Variants in KIAA1328 observed in about 807,000 individuals in gnomAD.
KIAA1328 encodes the protein protein hinderin.
Under a neutral mutation model 68.1 loss-of-function variants are expected in KIAA1328, and 52 were observed. The ratio of observed to expected loss-of-function variants is 0.76; its 90% CI spans 0.61 to 0.96. The LOEUF (loss-of-function observed/expected upper bound fraction) is 0.96, where lower values mean the gene tolerates loss of function less well. Ranked by LOEUF, KIAA1328 falls within the 40% of genes least tolerant of loss-of-function variation. The probability of loss-of-function intolerance (pLI) is 0.00; values close to 1 mark genes in which losing one functional copy is unlikely to be tolerated. For missense variants in KIAA1328, 641 were observed against 677.6 expected (o/e 0.95, Z 0.60); for synonymous variants, 232 against 239.4 (o/e 0.97, Z 0.28).
chr18:36,874,339 T>C (rs2048048755), intron 4 of KIAA1328, among the ~76,000 whole-genome samples: 1 of 152,156 alleles, frequency 6.6e-6, no homozygotes. Context: ...CCACATCCTC[T>C]CCAGCATCTG....
At chr18:36,837,956 G>A (rs28766980) in intron 3 of KIAA1328, among the ~76,000 whole-genome samples, 1 of 151,964 alleles carries the variant, frequency 6.6e-6, no homozygotes, top group Non-Finnish European at 1.5e-5. Flanking sequence ...TTTTATTTTT[G>A]GAATTAGGAA....
At chr18:36,886,097 T>C (rs984646232) in intron 5 of KIAA1328, 21 of 163,940 alleles carry the variant, frequency 1.3e-4, no homozygotes, top group Non-Finnish European at 2.6e-5. Context: ...TAAATCTGCA[T>C]GTGCTGCCAT....
intron 7 of KIAA1328, among the ~76,000 whole-genome samples, chr18:37,070,334 C>G (rs1309019264): frequency 1.3e-5 from 2 of 152,120 alleles, no homozygotes; most frequent in African/African-American, 4.8e-5. Context: ...TATTATTTGA[C>G]AGTATTGTTG....
At chr18:37,016,121 G>A (rs1019313184) in intron 6 of KIAA1328, among the ~76,000 whole-genome samples, 2 of 152,142 alleles carry the variant, frequency 1.3e-5, no homozygotes, top group Non-Finnish European at 2.9e-5. Flanking sequence ...TTAGCATGGT[G>A]ATAGTTGTAG....
At chr18:37,040,705 C>T (rs1438409611) in intron 6 of KIAA1328, among the ~76,000 whole-genome samples, 2 of 151,472 alleles carry the variant, frequency 1.3e-5, no homozygotes. Context: ...AGCTATAAAT[C>T]TAAATGCTGC....
intron 8 of KIAA1328, 84 bp from the exon 9 acceptor site, chr18:37,172,889 T>C: frequency 2.1e-6 from 2 of 971,622 alleles, no homozygotes; most frequent in Non-Finnish European, 1.6e-6. Flanking sequence ...GACATTCCTA[T>C]AATGTCTTAT....
intron 4 of KIAA1328, among the ~76,000 whole-genome samples, chr18:36,882,750 A>G (rs923579248): frequency 6.6e-6 from 1 of 152,222 alleles, no homozygotes; most frequent in African/African-American, 2.4e-5. Flanking sequence ...ATTTTGGGAA[A>G]AGCTCATCAC....
At position 37,066,952 on chromosome 18, in the gene KIAA1328, C is replaced by A. The variant is rs1198249011; in HGVS notation, c.639C>A (p.Ser213Arg). ...TGGAACTGGATGGTTCCTACTTGAG[C>A]ATAGCCAGACCACAGACCTACTATC... is the stretch of plus-strand genomic sequence containing the variant. ...SSVELDGSYLSIARPQTYYQT... is the reference protein window; with the variant it reads ...SSVELDGSYLRIARPQTYYQT... The change falls in exon 7 of 10, where the codon AGC (serine) becomes AGA (arginine). Residue 213 changes from serine (S) to arginine (R), a missense_variant. Ser to Arg is a moderately radical substitution (Grantham distance 110). Transcript: ENST00000280020. The A allele has an allele frequency of 6.2e-7, 1 of 1,611,528 alleles. No homozygotes were observed. Among genetic ancestry groups the A allele is most frequent in the African/African-American group, 1.3e-5 (1 of 74,898 alleles).
chr18:37,092,507 C>G (rs1173309602), intron 7 of KIAA1328, among the ~76,000 whole-genome samples: 2 of 152,024 alleles, frequency 1.3e-5, no homozygotes, highest in Non-Finnish European at 2.9e-5. Context: ...CCTGCCACGA[C>G]TGATGCCCAT....
intron 6 of KIAA1328, among the ~76,000 whole-genome samples, chr18:36,969,110 A>G (rs1340144561): frequency 6.6e-6 from 1 of 152,178 alleles, no homozygotes; most frequent in African/African-American, 2.4e-5. Flanking sequence ...GGTACAATAT[A>G]CCAGAATCTC....
intron 7 of KIAA1328, chr18:37,084,511 A>G (rs1160270592): frequency 1.2e-5 from 2 of 167,774 alleles, no homozygotes; most frequent in Non-Finnish European, 2.2e-5. Context: ...ATTATAGTCT[A>G]TATTGAGTAT....
chr18:37,098,469 G>A (rs775892975), intron 7 of KIAA1328, among the ~76,000 whole-genome samples: 4 of 152,104 alleles, frequency 2.6e-5, no homozygotes, highest in East Asian at 3.8e-4. Context: ...TGCTGGATTC[G>A]GTTTGCCAGT....
rs372215399 is a variant in KIAA1328, at chr18:37,190,888, T to C, written c.1523+17807T>C. On this transcript the variant is annotated intron_variant, in intron 9 of 9. Transcript: ENST00000280020. The stretch of plus-strand genomic sequence containing the variant: ...CTCTTGTGTTTCAATAACAAATTCA[T>C]TGGGCTTTTCCTTGTTATGAAAGTT... Among the ~76,000 whole-genome samples, 41 of 152,316 alleles carry C rather than the reference T, an allele frequency of 2.7e-4. No homozygotes were observed. The East Asian group carries it at 5.8e-3, about 21-fold the overall frequency.
chr18:36,992,128 T>C (rs920281702), intron 6 of KIAA1328, among the ~76,000 whole-genome samples: 1 of 152,228 alleles, frequency 6.6e-6, no homozygotes, highest in African/African-American at 2.4e-5. Context: ...TCATAGTGAT[T>C]TGTAAAAGTT....
intron 5 of KIAA1328, among the ~76,000 whole-genome samples, chr18:36,906,691 C>T (rs777509572): frequency 2.8e-4 from 43 of 152,002 alleles, no homozygotes; most frequent in Non-Finnish European, 5.4e-4. Flanking sequence ...ATAATGCACT[C>T]ATTTATTAAA....
chr18:36,963,098 T>G (rs1238930877), intron 6 of KIAA1328, among the ~76,000 whole-genome samples: 1 of 152,246 alleles, frequency 6.6e-6, no homozygotes, highest in Non-Finnish European at 1.5e-5. Flanking sequence ...TGTATTTTGA[T>G]CTGAAATATT....
At chr18:37,078,279 T>G (rs1334680227) in intron 7 of KIAA1328, among the ~76,000 whole-genome samples, 2 of 152,160 alleles carry the variant, frequency 1.3e-5, no homozygotes, top group African/African-American at 2.4e-5. Context: ...TAGCCATATG[T>G]AGAAAGCTGA....
chr18:36,847,934 C>T (rs1013440028), intron 4 of KIAA1328, among the ~76,000 whole-genome samples: 3 of 151,646 alleles, frequency 2.0e-5, no homozygotes, highest in South Asian at 2.1e-4. Flanking sequence ...TTGTTTCATT[C>T]GCTGATGTAT....
chr18:36,858,015 A>G (rs2047438570), intron 4 of KIAA1328, among the ~76,000 whole-genome samples: 1 of 152,052 alleles, frequency 6.6e-6, no homozygotes, highest in African/African-American at 2.4e-5. Context: ...AGTCAAGTTG[A>G]TTGATAGTTT....
Sources: gnomAD v4.1 joint callset for allele counts (sites outside exome capture counted in the v4.1 genomes callset) on GRCh38, gnomAD v4.1.1 for gene constraint, MANE v1.5 for transcripts, NCBI Gene and HGNC (gene_info 2026-07-23, HGNC 2026-07-21) for gene names.